The following KIAA1671 variants were observed in gnomAD, a reference collection of about 807,000 sequenced individuals.
KIAA1671 encodes the protein uncharacterized protein KIAA1671.
Under a neutral mutation model 131.2 loss-of-function variants are expected in KIAA1671, and 52 were observed. The observed-to-expected ratio is 0.40, with a 90% CI of 0.32 to 0.50. The LOEUF is 0.50. Ranked by LOEUF, KIAA1671 falls within the 20% of genes least tolerant of loss-of-function variation. KIAA1671 has a pLI of 0.73. For missense variants in KIAA1671, 2,360 were observed against 2,364.2 expected, an observed-to-expected ratio of 1.00 and a Z score of 0.04; for synonymous variants, 1,003 against 961.6, an observed-to-expected ratio of 1.04 and a Z score of -0.80.
At position 25,029,200 on chromosome 22, in the gene KIAA1671, G is replaced by A; in HGVS notation, c.1201G>A (p.Glu401Lys). The change falls in exon 3 of 13, where the codon GAG (glutamate) becomes AAG (lysine). Residue 401 changes from glutamate to lysine, a missense_variant. Physicochemically the swap from Glu to Lys is moderately conservative, Grantham distance 56. Coordinates refer to ENST00000358431, the MANE Select transcript of KIAA1671 (RefSeq NM_001145206.2). ...GGACCCAGAGCCAGAGAAGGCTGCT[G>A]AGTCCCCCTCACCCAGGCTGGGAAG... ...KLDPEPEKAA[E>K]SPSPRLGRGL... 1 of 1,458,050 alleles carries A rather than the reference G, an allele frequency of 6.9e-7. No homozygotes were observed. Among genetic ancestry groups the A allele is most frequent in the Non-Finnish European group, 9.1e-7 (1 of 1,102,166 alleles). The allele number at this position is 1,458,050 out of a possible 1,614,324, so 90.3% of individuals were successfully genotyped here.
chr22:25,043,121 G>A (rs1285781830), intron 5 of KIAA1671, among the ~76,000 whole-genome samples: 1 of 148,684 alleles, frequency 6.7e-6, no homozygotes, highest in Non-Finnish European at 1.5e-5. Flanking sequence ...GGGGTGGGGA[G>A]GAAAGGAGGA....
At chr22:25,104,247 G>A (rs1009670179) in intron 6 of KIAA1671, among the ~76,000 whole-genome samples, 1 of 152,164 alleles carries the variant, frequency 6.6e-6, no homozygotes, top group African/African-American at 2.4e-5. Context: ...CCAAAGTGCT[G>A]GGATTACAGG....
At chr22:25,162,836 A>G (rs1470135502) in intron 6 of KIAA1671, among the ~76,000 whole-genome samples, 2 of 152,242 alleles carry the variant, frequency 1.3e-5, no homozygotes, top group Non-Finnish European at 2.9e-5. Context: ...TAACTGGAAC[A>G]GAGACCATCA....
At chr22:25,019,055 T>C (rs1265490102) in intron 1 of KIAA1671, among the ~76,000 whole-genome samples, 1 of 45,876 alleles carries the variant, frequency 2.2e-5, no homozygotes, top group Non-Finnish European at 8.1e-5. Context: ...TTGTTTTGTG[T>C]GTGTGTGTGT....
At chr22:24,954,728 A>T (rs1051943346) in intron 1 of KIAA1671, among the ~76,000 whole-genome samples, 1 of 151,390 alleles carries the variant, frequency 6.6e-6, no homozygotes, top group Non-Finnish European at 1.5e-5. Context: ...AGCTGCCCCT[A>T]CCCCCACTGG....
At position 25,029,315 on chromosome 22, in the gene KIAA1671, A is replaced by G. The variant is rs17667531; in HGVS notation, c.1316A>G (p.Lys439Arg). 0.27 allele frequency: 410,384 copies of G among 1,539,362 alleles called. 56,100 individuals are homozygous for G. Among genetic ancestry groups the G allele is most frequent in the Non-Finnish European group, 0.28 (319,212 of 1,139,810 alleles). Residue 439 changes from lysine to arginine, a missense_variant, in exon 3 of 13, where the codon AAG becomes AGG. By Grantham distance (26) the Lys-to-Arg change is conservative. Around this residue, in one of 3 missense-constraint regions of KIAA1671, gnomAD observed 1,185 missense variants for 1,126.2 expected, o/e 1.05. Coordinates refer to ENST00000358431, the MANE Select transcript of KIAA1671 (RefSeq NM_001145206.2). ...GEWASRRSVR[K>R]CISLFREDST... is the part of the protein sequence containing the mutation. ...TGGGCCTCCAGGAGGAGTGTCAGGA[A>G]GTGCATCAGCCTGTTTCGGGAGGAC...
intron 6 of KIAA1671, among the ~76,000 whole-genome samples, chr22:25,065,931 G>A (rs1236241943): frequency 2.6e-5 from 4 of 152,228 alleles, no homozygotes; most frequent in African/African-American, 7.2e-5. Flanking sequence ...GAGCCACTGC[G>A]CCTGATCGAG....
At chr22:24,994,203 G>A (rs1271952704) in intron 1 of KIAA1671, among the ~76,000 whole-genome samples, 3 of 152,190 alleles carry the variant, frequency 2.0e-5, no homozygotes, top group African/African-American at 7.2e-5. Context: ...CGACACCTTA[G>A]GAGGGAACTT....
At chr22:25,079,252 T>C (rs1237247925) in intron 6 of KIAA1671, among the ~76,000 whole-genome samples, 1 of 151,050 alleles carries the variant, frequency 6.6e-6, no homozygotes, top group Non-Finnish European at 1.5e-5. Context: ...TTTTTTGAGA[T>C]GGAGTCTCGC....
chr22:24,969,866 G>C (rs1244822324), intron 1 of KIAA1671, among the ~76,000 whole-genome samples: 1 of 152,192 alleles, frequency 6.6e-6, no homozygotes, highest in East Asian at 1.9e-4. Flanking sequence ...GATTAAATGA[G>C]TGAAGGTCTG....
chr22:25,087,323 G>A (rs906686859), intron 6 of KIAA1671, among the ~76,000 whole-genome samples: 5 of 152,180 alleles, frequency 3.3e-5, no homozygotes, highest in Non-Finnish European at 7.3e-5. Context: ...AGTGGCTCAT[G>A]CCTGTAATCC....
chr22:24,989,339 C>A (rs1602048644), intron 1 of KIAA1671, among the ~76,000 whole-genome samples: 1 of 152,190 alleles, frequency 6.6e-6, no homozygotes, highest in East Asian at 1.9e-4. Context: ...GCAGGGGGGT[C>A]ACAGCCCTGC....
Position 25,132,755 on chromosome 22 carries a change from G to A in KIAA1671, c.4531-38065G>A, listed in dbSNP as rs73403517. Among the ~76,000 whole-genome samples the A allele has an allele frequency of 1.4e-3, 213 of 152,212 alleles. 1 individual carries two copies. The highest frequency in any genetic ancestry group is 4.6e-3 in the African/African-American group (193 of 41,540). ...ACATTTCCCAGAGTTCTTCATGGAA[G>A]CACCTTAATGAGTGTTCCATGGATA... On this transcript the variant is annotated intron_variant, in intron 6 of 12. Transcript: ENST00000358431.
chr22:25,184,603 C>T (rs963780272), intron 10 of KIAA1671, among the ~76,000 whole-genome samples: 3 of 152,200 alleles, frequency 2.0e-5, no homozygotes, highest in African/African-American at 7.2e-5. Context: ...ATTTTATTTA[C>T]ATGGCTCCAG....
chr22:25,075,263 G>A (rs904290101), intron 6 of KIAA1671, among the ~76,000 whole-genome samples: 4 of 152,068 alleles, frequency 2.6e-5, no homozygotes, highest in Admixed American at 1.3e-4. Flanking sequence ...ATCCTATAAC[G>A]CACAGGACAG....
chr22:25,184,226 G>C (rs1023301913), intron 10 of KIAA1671, among the ~76,000 whole-genome samples: 2 of 152,222 alleles, frequency 1.3e-5, no homozygotes, highest in Admixed American at 6.5e-5. Flanking sequence ...GTGTGACTTC[G>C]GGCTAGACCT....
intron 6 of KIAA1671, among the ~76,000 whole-genome samples, chr22:25,103,771 C>T (rs1210990021): frequency 3.3e-5 from 5 of 152,096 alleles, no homozygotes; most frequent in Admixed American, 1.3e-4. Flanking sequence ...GGATTACGGG[C>T]GTGAGCCACC....
chr22:25,128,775 T>C (rs184532210), intron 6 of KIAA1671, among the ~76,000 whole-genome samples: 57 of 152,334 alleles, frequency 3.7e-4, no homozygotes, highest in African/African-American at 1.4e-3. Context: ...TTTATGTAGC[T>C]GTGTGGGACT....
chr22:25,171,303 G>A (rs1933840527), intron 7 of KIAA1671, among the ~76,000 whole-genome samples: 1 of 152,060 alleles, frequency 6.6e-6, no homozygotes, highest in African/African-American at 2.4e-5. Flanking sequence ...GGGAGGCTGA[G>A]GCAGGAGAAT....
Sources: gnomAD v4.1 joint callset for allele counts (sites outside exome capture counted in the v4.1 genomes callset) on GRCh38, gnomAD v4.1.1 for gene constraint, gnomAD v4.1.1 regional missense constraint, MANE v1.5 for transcripts, NCBI Gene and HGNC (gene_info 2026-07-23, HGNC 2026-07-21) for gene names.